NPAS3: variants seen among roughly 807,000 people sequenced by gnomAD.
NPAS3 encodes the protein neuronal PAS domain-containing protein 3.
In NPAS3, 14 loss-of-function variants were observed where a neutral mutation model predicts 73.1. The ratio of observed to expected loss-of-function variants is 0.19; its 90% confidence interval spans 0.13 to 0.30. NPAS3 has a LOEUF of 0.30. Among genes scored for constraint, NPAS3 ranks in the 10% least tolerant of loss-of-function variants. The probability of loss-of-function intolerance (pLI) is 1.00; values close to 1 mark genes in which losing one functional copy is unlikely to be tolerated. For synonymous variants in NPAS3, 620 were observed against 541.5 expected (o/e 1.14, Z -2.01); for missense variants, 1,096 against 1,250.0 (o/e 0.88, Z 1.86).
intron 2 of NPAS3, among the ~76,000 whole-genome samples, chr14:33,067,419 C>T (rs1469168628): frequency 6.6e-6 from 1 of 152,200 alleles, no homozygotes; most frequent in Non-Finnish European, 1.5e-5. Flanking sequence ...TTTCATCTGT[C>T]CTTACACTGT....
intron 6 of NPAS3, among the ~76,000 whole-genome samples, chr14:33,715,408 G>A (rs2140514348): frequency 6.6e-6 from 1 of 152,242 alleles, no homozygotes; most frequent in South Asian, 2.1e-4. Flanking sequence ...TTGTTTTTCA[G>A]TATTTTAAAT....
intron 3 of NPAS3, among the ~76,000 whole-genome samples, chr14:33,341,485 A>G (rs1214863543): frequency 6.6e-6 from 1 of 151,924 alleles, no homozygotes; most frequent in Non-Finnish European, 1.5e-5. Flanking sequence ...TGTGTAGGCC[A>G]TTTGTCGTGC....
chr14:33,111,312 C>A (rs2042884945), intron 2 of NPAS3, among the ~76,000 whole-genome samples: 1 of 152,200 alleles, frequency 6.6e-6, no homozygotes, highest in Admixed American at 6.5e-5. Flanking sequence ...TCAGCCCCAG[C>A]ATCTAGGGTA....
intron 8 of NPAS3, among the ~76,000 whole-genome samples, chr14:33,777,967 T>A (rs549120247): frequency 5.9e-5 from 9 of 152,228 alleles, no homozygotes; most frequent in Non-Finnish European, 8.8e-5. Context: ...AGCATTTAAA[T>A]TATATCCCTT....
rs770335504 is a variant in NPAS3 at position 33,143,102 on chromosome 14, T to C, written c.141-72080T>C. Among the ~76,000 whole-genome samples the C allele has an allele frequency of 9.9e-5, 15 of 151,868 alleles. 1 individual carries two copies. Among genetic ancestry groups the C allele is most frequent in the Non-Finnish European group, 2.1e-4 (14 of 67,970 alleles). On this transcript the variant is annotated intron_variant, in intron 2 of 11. Transcript: ENST00000356141. ...CCTGGGCAACAAGAGCGAAACTCCA[T>C]CTAAAAGAAGAAGAAAGAAATACCT...
rs1168198861 is a variant in NPAS3 at position 33,544,809 on chromosome 14, T to TA, written c.469-15311dup. The stretch of plus-strand genomic sequence containing the variant: ...TGTATTATATATATATATATATATA[T>TA]ATGTATATATAATATATATGTGTAT... On this transcript the variant is annotated intron_variant, in intron 4 of 11. Transcript: ENST00000356141. Among the ~76,000 whole-genome samples the TA allele has an allele frequency of 2.5e-4, 24 of 94,860 alleles. 2 individuals are homozygous for TA. Among genetic ancestry groups the TA allele is most frequent in the African/African-American group, 1.0e-3 (18 of 17,554 alleles). The allele number at this position is 94,860 out of a possible 152,430, so 62.2% of individuals were successfully genotyped here. A position where few individuals can be genotyped will look rare whatever the true frequency, so the allele number is the denominator to read the frequency against.
chr14:33,402,803 C>T (rs1234905123), intron 4 of NPAS3, among the ~76,000 whole-genome samples: 1 of 152,170 alleles, frequency 6.6e-6, no homozygotes, highest in East Asian at 1.9e-4. Context: ...GCCTTGGGCA[C>T]TGGCCCAGAG....
intron 3 of NPAS3, among the ~76,000 whole-genome samples, chr14:33,221,934 T>C (rs1383514973): frequency 6.6e-6 from 1 of 152,128 alleles, no homozygotes; most frequent in Non-Finnish European, 1.5e-5. Context: ...AAAAAATTTA[T>C]TTAATCAAAA....
At position 33,206,373 on chromosome 14, in the gene NPAS3, GA is replaced by G. The variant is rs574670014; in HGVS notation, c.141-8807del. Among the ~76,000 whole-genome samples the G allele has an allele frequency of 5.2e-3, 799 of 152,252 alleles. 6 individuals are homozygous for G. The highest frequency in any genetic ancestry group is 7.6e-3 in the Non-Finnish European group (517 of 67,998). On this transcript the variant is annotated intron_variant, in intron 2 of 11. Transcript: ENST00000356141. ...GGACCAAGGATCCTGGTTTGCCCAG[GA>G]ATGTCCTGCTTTTAGCACCTAAAGT...
chr14:33,624,880 C>T (rs2140109824), intron 5 of NPAS3, among the ~76,000 whole-genome samples: 1 of 152,212 alleles, frequency 6.6e-6, no homozygotes, highest in Non-Finnish European at 1.5e-5. Context: ...CTACTCCTTA[C>T]ATGTGTGTGT....
At chr14:33,096,815 A>C (rs113144845) in intron 2 of NPAS3, among the ~76,000 whole-genome samples, 7 of 152,296 alleles carry the variant, frequency 4.6e-5, no homozygotes, top group African/African-American at 1.7e-4. Flanking sequence ...AAATCTCCTC[A>C]GCGGCTTCTC....
At chr14:33,371,393 A>G (rs2046081157) in intron 4 of NPAS3, among the ~76,000 whole-genome samples, 1 of 152,156 alleles carries the variant, frequency 6.6e-6, no homozygotes, top group Admixed American at 6.5e-5. Flanking sequence ...TGTGTTTTTC[A>G]TGTAGTGAGA....
At chr14:32,952,570 G>A (rs996097793) in intron 1 of NPAS3, among the ~76,000 whole-genome samples, 1 of 151,688 alleles carries the variant, frequency 6.6e-6, no homozygotes, top group African/African-American at 2.4e-5. Context: ...TGGAAACAAT[G>A]TCTCATAGTG....
chr14:33,108,281 C>T (rs1006010426), intron 2 of NPAS3, among the ~76,000 whole-genome samples: 1 of 150,904 alleles, frequency 6.6e-6, no homozygotes. Context: ...GCAACCTCCA[C>T]CTCCCGAGTT....
At chr14:33,676,294 C>T in exon 6 of NPAS3, 2 of 1,612,628 alleles carry the variant, frequency 1.2e-6, no homozygotes, top group East Asian at 2.2e-5. Context: ...GCATGAAGCT[C>T]CCCCCTGGGC....
intron 4 of NPAS3, among the ~76,000 whole-genome samples, chr14:33,509,907 G>A (rs1408184366): frequency 6.6e-6 from 1 of 152,016 alleles, no homozygotes; most frequent in Non-Finnish European, 1.5e-5. Flanking sequence ...TGATTCCTGA[G>A]CTGGCCTGTA....
intron 3 of NPAS3, among the ~76,000 whole-genome samples, chr14:33,245,780 C>T (rs752894321): frequency 7.2e-5 from 11 of 152,080 alleles, no homozygotes; most frequent in Non-Finnish European, 1.3e-4. Context: ...TCAAACATTT[C>T]CTGACACTGT....
At chr14:33,686,758 C>A (rs1261950030) in intron 6 of NPAS3, among the ~76,000 whole-genome samples, 8 of 152,134 alleles carry the variant, frequency 5.3e-5, no homozygotes, top group Non-Finnish European at 1.5e-5. Flanking sequence ...CTCCAGTGTG[C>A]CTCTAAATAG....
chr14:32,935,713 G>T (rs2035675442), upstream of NPAS3, among the ~76,000 whole-genome samples: 1 of 152,294 alleles, frequency 6.6e-6, no homozygotes, highest in South Asian at 2.1e-4. Flanking sequence ...TAAAAATTAC[G>T]TATTTGACAT....
Sources: gnomAD v4.1 joint callset for allele counts (sites outside exome capture counted in the v4.1 genomes callset) on GRCh38, gnomAD v4.1.1 for gene constraint, MANE v1.5 for transcripts, NCBI Gene and HGNC (gene_info 2026-07-23, HGNC 2026-07-21) for gene names.